PRKAR2B: variants seen among roughly 807,000 people sequenced by gnomAD.
PRKAR2B encodes the protein protein kinase cAMP-dependent type II regulatory subunit beta, also known as cAMP-dependent protein kinase type II-beta regulatory subunit.
In PRKAR2B, 14 loss-of-function variants were observed where a neutral mutation model predicts 49.9. The observed-to-expected ratio is 0.28, with a 90% confidence interval of 0.19 to 0.44. The LOEUF (loss-of-function observed/expected upper bound fraction) is 0.44, where lower values mean the gene tolerates loss of function less well. Among genes scored for constraint, PRKAR2B ranks in the 20% least tolerant of loss-of-function variants. The pLI is 1.00. For missense variants in PRKAR2B, 393 were observed against 537.9 expected (o/e 0.73, Z 2.67); for synonymous variants, 196 against 197.7 (o/e 0.99, Z 0.07).
chr7:107,045,237 C>G, intron 1 of PRKAR2B, 23 bp downstream of exon 1: 1 of 1,401,068 alleles, frequency 7.1e-7, no homozygotes, highest in Middle Eastern at 2.7e-4. Context: ...CCCCCCACTT[C>G]GCGCCCCCGG....
chr7:107,124,783 AT>A (rs879582672), intron 3 of PRKAR2B, among the ~76,000 whole-genome samples: 2,697 of 147,242 alleles, frequency 0.018, 74 homozygotes, highest in African/African-American at 0.059. Flanking sequence ...TGTTTTTCTA[AT>A]TTTTTTTTTT....
chr7:107,118,310 TTTCATTCATTCA>T (rs34651958), intron 2 of PRKAR2B, among the ~76,000 whole-genome samples: 12 of 151,200 alleles, frequency 7.9e-5, no homozygotes, highest in South Asian at 2.1e-4. Flanking sequence ...TTGAGCAAGT[TTTCATTCATTCA>T]TTCATTCATT....
At chr7:107,058,384 T>G (rs1468535100) in intron 1 of PRKAR2B, among the ~76,000 whole-genome samples, 1 of 152,200 alleles carries the variant, frequency 6.6e-6, no homozygotes, top group African/African-American at 2.4e-5. Context: ...TGTCATAATA[T>G]TTATAAAAGT....
rs1226214369 is a variant in PRKAR2B at position 107,159,877 on chromosome 7, T to TTAAGAAGATAA, written c.*297_*307dup. The TTAAGAAGATAA allele has an allele frequency of 1.5e-5, 4 of 259,622 alleles. No individual in the cohort carries two copies. The East Asian group carries it at 3.0e-4, about 19-fold the overall frequency. The allele number at this position is 259,622 out of a possible 1,614,324, so 16.1% of individuals were successfully genotyped here. A position where few individuals can be genotyped will look rare whatever the true frequency, so the allele number is the denominator to read the frequency against. ...TGTAATATATAGAAAGTATCTGTGT[T>TTAAGAAGATAA]TAAGAAGATAATTAAAGGATGTTAT... On this transcript the variant is annotated 3_prime_UTR_variant, in exon 11 of 11. Coordinates refer to ENST00000265717, the MANE Select transcript of PRKAR2B (RefSeq NM_002736.3).
At chr7:107,065,016 A>G (rs1041317836) in intron 1 of PRKAR2B, among the ~76,000 whole-genome samples, 1 of 152,238 alleles carries the variant, frequency 6.6e-6, no homozygotes, top group African/African-American at 2.4e-5. Context: ...CAGGCATAAG[A>G]GAAATTCATT....
chr7:107,085,872 A>T (rs1231286940), intron 2 of PRKAR2B, among the ~76,000 whole-genome samples: 3 of 152,328 alleles, frequency 2.0e-5, no homozygotes, highest in African/African-American at 7.2e-5. Flanking sequence ...ATACCTGCAT[A>T]GTTTTGCAAG....
At chr7:107,120,064 C>T (rs563202230) in intron 2 of PRKAR2B, among the ~76,000 whole-genome samples, 1 of 152,202 alleles carries the variant, frequency 6.6e-6, no homozygotes, top group South Asian at 2.1e-4. Context: ...TTTCCTGTGC[C>T]CTAGTCTTTC....
intron 2 of PRKAR2B, among the ~76,000 whole-genome samples, chr7:107,099,523 A>G (rs553890201): frequency 1.3e-5 from 2 of 152,310 alleles, no homozygotes; most frequent in Admixed American, 6.5e-5. Flanking sequence ...GACAAGCCCA[A>G]GTGAGTTGAA....
At chr7:107,058,333 A>G (rs572038158) in intron 1 of PRKAR2B, among the ~76,000 whole-genome samples, 12 of 152,368 alleles carry the variant, frequency 7.9e-5, no homozygotes, top group South Asian at 6.2e-4. Context: ...TTGGCAAACA[A>G]TTAGTTGGCA....
chr7:107,088,370 G>A (rs1457248523), intron 2 of PRKAR2B, among the ~76,000 whole-genome samples: 1 of 152,094 alleles, frequency 6.6e-6, no homozygotes. Flanking sequence ...TGACATTTCA[G>A]CCAAGGCCTG....
chr7:107,074,838 G>A (rs1218753458), intron 2 of PRKAR2B, among the ~76,000 whole-genome samples: 1 of 151,930 alleles, frequency 6.6e-6, no homozygotes, highest in Non-Finnish European at 1.5e-5. Context: ...AGTGGTGGTA[G>A]TAGTAGTAGC....
At chr7:107,095,580 C>G (rs1016419257) in intron 2 of PRKAR2B, among the ~76,000 whole-genome samples, 2 of 152,076 alleles carry the variant, frequency 1.3e-5, no homozygotes, top group African/African-American at 4.8e-5. Flanking sequence ...TGTCTTGTGC[C>G]AGTTTTCAAA....
rs1375355138 is a variant in PRKAR2B, at chr7:107,062,422, A to G, written c.308-7859A>G. 2.6e-5 allele frequency among the ~76,000 whole-genome samples: 4 copies of G among 152,324 alleles called. No homozygotes were observed. In the East Asian group the frequency reaches 7.7e-4, roughly 29 times the overall value. ...AGAATGGAGATATATATATTGTGGT[A>G]TATTCATATAAGGGAATACTACTCA... On this transcript the variant is annotated intron_variant, in intron 1 of 10. Transcript: ENST00000265717.
At chr7:107,150,698 TAA>T (rs58258955) in intron 6 of PRKAR2B, among the ~76,000 whole-genome samples, 7 of 140,628 alleles carry the variant, frequency 5.0e-5, no homozygotes, top group African/African-American at 7.9e-5. Flanking sequence ...ATGCTTTCTT[TAA>T]AAAAAAAAAA....
chr7:107,054,379 G>A (rs541582215), intron 1 of PRKAR2B, among the ~76,000 whole-genome samples: 1 of 151,862 alleles, frequency 6.6e-6, no homozygotes, highest in South Asian at 2.1e-4. Context: ...AAAAACCACG[G>A]TATATAGCGG....
chr7:107,099,749 C>G (rs561507177), intron 2 of PRKAR2B, among the ~76,000 whole-genome samples: 11 of 151,990 alleles, frequency 7.2e-5, no homozygotes, highest in African/African-American at 2.2e-4. Flanking sequence ...TGCCATTCTC[C>G]TTAGCCTCCT....
chr7:107,099,782 C>G (rs1794922776), intron 2 of PRKAR2B, among the ~76,000 whole-genome samples: 1 of 151,974 alleles, frequency 6.6e-6, no homozygotes, highest in Non-Finnish European at 1.5e-5. Context: ...CTACAGGCCC[C>G]CACCACCATG....
intron 2 of PRKAR2B, among the ~76,000 whole-genome samples, chr7:107,102,715 G>T (rs1241912876): frequency 6.6e-6 from 1 of 152,176 alleles, no homozygotes; most frequent in Non-Finnish European, 1.5e-5. Context: ...CTGTCACCCA[G>T]GCTGGAATGC....
chr7:107,077,002 T>C (rs144357986), intron 2 of PRKAR2B, among the ~76,000 whole-genome samples: 2 of 152,320 alleles, frequency 1.3e-5, no homozygotes, highest in Admixed American at 1.3e-4. Flanking sequence ...TTGGGAAATA[T>C]CTTGTAGCCT....
Sources: gnomAD v4.1 joint callset for allele counts (sites outside exome capture counted in the v4.1 genomes callset) on GRCh38, gnomAD v4.1.1 for gene constraint, MANE v1.5 for transcripts, NCBI Gene and HGNC (gene_info 2026-07-23, HGNC 2026-07-21) for gene names.